FREM1: variants seen among roughly 807,000 people sequenced by gnomAD.
FREM1 encodes the protein FRAS1-related extracellular matrix protein 1.
In FREM1, 220 loss-of-function variants were observed where a neutral mutation model predicts 210.1. That is an observed-to-expected ratio of 1.05 (90% CI 0.94 to 1.17). The LOEUF is 1.17. Ranked by LOEUF, FREM1 falls within the 50% of genes most tolerant of loss-of-function variation. FREM1 has a pLI of 0.00. For synonymous variants in FREM1, 1,189 were observed against 980.2 expected (o/e 1.21, Z -3.98); for missense variants, 3,454 against 2,675.5 (o/e 1.29, Z -6.42).
In FREM1 at chr9:14,770,760, G is replaced by A; in HGVS notation, c.4904C>T (p.Ser1635Phe). 1.2e-6 allele frequency: 2 copies of A among 1,613,412 alleles called. No individual in the cohort carries two copies. Among genetic ancestry groups the A allele is most frequent in the Non-Finnish European group, 1.7e-6 (2 of 1,179,624 alleles). ...TTTCAGGAGCCCCACTTGAGAAGGG[G>A]AATGCAAGAGTGTGATACGAGGAGC... ...KTAPRITLLH[S>F]PSQVGLLKNG... Residue 1635 changes from serine (S) to phenylalanine (F), a missense_variant, in exon 26 of 37, where the codon TCC becomes TTC. Ser to Phe is a radical substitution (Grantham distance 155). Coordinates refer to ENST00000380880, the MANE Select transcript of FREM1 (RefSeq NM_001379081.2).
chr9:14,775,666 C>T, intron 25 of FREM1, 123 bp downstream of exon 25: 1 of 657,818 alleles, frequency 1.5e-6, no homozygotes, highest in East Asian at 2.7e-5. Context: ...CAAGATCACG[C>T]CACTGCACTG....
At chr9:14,774,081 A>G (rs1419039616) in intron 25 of FREM1, 1 of 518,932 alleles carries the variant, frequency 1.9e-6, no homozygotes, top group East Asian at 5.4e-5. Context: ...CACGATGTCA[A>G]TATCTTCTTT....
intron 1 of FREM1, among the ~76,000 whole-genome samples, chr9:14,892,893 A>G (rs1484278702): frequency 6.6e-6 from 1 of 152,142 alleles, no homozygotes; most frequent in Non-Finnish European, 1.5e-5. Flanking sequence ...CATCTTGCCC[A>G]GAGACCACGA....
At chr9:14,822,231 C>T (rs746198960) in intron 13 of FREM1, among the ~76,000 whole-genome samples, 113 of 152,214 alleles carry the variant, frequency 7.4e-4, no homozygotes, top group Admixed American at 1.6e-3. Flanking sequence ...TACCCAGTCT[C>T]GGGTATGTCT....
At chr9:14,886,114 C>A (rs769701380) in intron 1 of FREM1, among the ~76,000 whole-genome samples, 10 of 152,028 alleles carry the variant, frequency 6.6e-5, no homozygotes, top group African/African-American at 2.4e-4. Flanking sequence ...CTGCTGTGTG[C>A]GGTGGCTCAC....
At position 14,868,925 on chromosome 9, in the gene FREM1, A is replaced by C; in HGVS notation, c.53T>G (p.Leu18Arg). 7 of 1,603,132 alleles carry C rather than the reference A, an allele frequency of 4.4e-6. No individual in the cohort carries two copies. The highest frequency in any genetic ancestry group is 6.0e-6 in the Non-Finnish European group (7 of 1,175,770). Residue 18 changes from leucine (L) to arginine (R), a missense_variant, in exon 2 of 37, where the codon CTG becomes CGG. By Grantham distance (102) the Leu-to-Arg change is moderately radical. Coordinates refer to ENST00000380880, the MANE Select transcript of FREM1 (RefSeq NM_001379081.2). ...AANAVLLLLL[L>R]AWASPTFISI... ...GATGAAGGTGGGGCTGGCCCAGGCC[A>C]GGAGGAGCAGCAGCAGCACGGCATT... is the stretch of plus-strand genomic sequence containing the variant.
intron 5 of FREM1, 124 bp from the exon 6 acceptor site, chr9:14,851,731 C>A: frequency 1.2e-6 from 1 of 805,170 alleles, no homozygotes; most frequent in South Asian, 1.5e-5. Context: ...TGAAGCCTGG[C>A]TGCATATTGG....
intron 1 of FREM1, among the ~76,000 whole-genome samples, chr9:14,895,860 A>G (rs372747911): frequency 7.2e-5 from 11 of 152,146 alleles, no homozygotes; most frequent in African/African-American, 2.7e-4. Flanking sequence ...AAGAAGTTAC[A>G]GAATACAGAT....
At chr9:14,868,067 T>C (rs1238809213) in intron 2 of FREM1, among the ~76,000 whole-genome samples, 3 of 152,214 alleles carry the variant, frequency 2.0e-5, no homozygotes, top group Non-Finnish European at 4.4e-5. Flanking sequence ...ATATTTAAAG[T>C]GAAGTATCTT....
At chr9:14,792,906 G>C (rs914086826) in intron 21 of FREM1, 22 bp from the exon 22 acceptor site, 1 of 1,517,936 alleles carries the variant, frequency 6.6e-7, no homozygotes, top group Non-Finnish European at 8.9e-7. Flanking sequence ...AAAATGTCTG[G>C]GTTGATATAA....
intron 24 of FREM1, among the ~76,000 whole-genome samples, chr9:14,777,749 C>G (rs1051688935): frequency 2.6e-5 from 4 of 152,038 alleles, no homozygotes; most frequent in African/African-American, 9.7e-5. Context: ...GTGTCTTGTC[C>G]TTCAGGGTTT....
intron 7 of FREM1, among the ~76,000 whole-genome samples, chr9:14,847,862 C>T (rs765813290): frequency 7.2e-5 from 11 of 152,132 alleles, no homozygotes; most frequent in Non-Finnish European, 1.5e-4. Flanking sequence ...TTACTGATTC[C>T]ATCTTTTCTC....
chr9:14,793,750 T>C (rs1851829860), intron 21 of FREM1, among the ~76,000 whole-genome samples: 1 of 152,204 alleles, frequency 6.6e-6, no homozygotes, highest in Non-Finnish European at 1.5e-5. Flanking sequence ...AGATGAAGGA[T>C]ACTTGAGAAC....
At chr9:14,847,985 T>C (rs1221490872) in intron 7 of FREM1, among the ~76,000 whole-genome samples, 4 of 152,198 alleles carry the variant, frequency 2.6e-5, no homozygotes, top group Admixed American at 1.3e-4. Flanking sequence ...CAAACACATA[T>C]CTATGTGTAC....
intron 28 of FREM1, 78 bp from the exon 29 acceptor site, chr9:14,756,524 T>G: frequency 1.0e-6 from 1 of 965,318 alleles, no homozygotes; most frequent in Non-Finnish European, 1.6e-6. Context: ...TCCCTCATAC[T>G]GGACTAAACT....
At chr9:14,798,956 G>A (rs1263649967) in intron 20 of FREM1, among the ~76,000 whole-genome samples, 1 of 151,702 alleles carries the variant, frequency 6.6e-6, no homozygotes, top group Non-Finnish European at 1.5e-5. Flanking sequence ...TTACACGTGT[G>A]AACCACCACA....
chr9:14,881,205 A>G (rs1445101450), intron 1 of FREM1, among the ~76,000 whole-genome samples: 1 of 152,220 alleles, frequency 6.6e-6, no homozygotes, highest in Non-Finnish European at 1.5e-5. Context: ...GATATCTTGT[A>G]TTATGCAAAG....
In FREM1 at chr9:14,831,460, G is replaced by A. The variant is rs1314753137; in HGVS notation, c.1882-6468C>T. On this transcript the variant is annotated intron_variant, in intron 10 of 36. Transcript: ENST00000380880. ...TGCTTTTAACAATTAAGAGTAAAAC[G>A]TCTTCTGCAGCCAAATTTTAATCTC... Among the ~76,000 whole-genome samples the A allele has an allele frequency of 2.6e-5, 4 of 152,182 alleles. No homozygotes were observed. In the South Asian group the frequency reaches 6.2e-4, roughly 24 times the overall value.
chr9:14,896,281 C>T (rs954101414), intron 1 of FREM1, among the ~76,000 whole-genome samples: 1 of 152,200 alleles, frequency 6.6e-6, no homozygotes, highest in South Asian at 2.1e-4. Flanking sequence ...CCCCGTGGCT[C>T]ATGCCTGTAA....
Sources: allele counts gnomAD v4.1 joint callset (sites outside exome capture counted in the v4.1 genomes callset), GRCh38; gene constraint gnomAD v4.1.1; transcripts MANE v1.5; gene names NCBI Gene and HGNC (gene_info 2026-07-23, HGNC 2026-07-21).